Variants in LRP8 observed in about 807,000 individuals in gnomAD.
LRP8 encodes LDL receptor related protein 8, also known as low-density lipoprotein receptor-related protein 8.
Under a neutral mutation model 111.6 loss-of-function variants are expected in LRP8, and 46 were observed. The observed-to-expected ratio is 0.41, with a 90% CI of 0.33 to 0.53. LRP8 has a LOEUF of 0.53. Among genes scored for constraint, LRP8 ranks in the 20% least tolerant of loss-of-function variants. The probability of loss-of-function intolerance (pLI) is 0.20; values close to 1 mark genes in which losing one functional copy is unlikely to be tolerated. For synonymous variants in LRP8, 464 were observed against 511.2 expected (o/e 0.91, Z 1.24); for missense variants, 959 against 1,297.4 (o/e 0.74, Z 4.01).
At chr1:53,257,139 A>G in intron 15 of LRP8, 101 bp downstream of exon 15, 1 of 1,028,150 alleles carries the variant, frequency 9.7e-7, no homozygotes, top group Non-Finnish European at 1.5e-6. Flanking sequence ...AAAGATATGC[A>G]GTATTCAGCT....
intron 2 of LRP8, 163 bp from the exon 3 acceptor site, chr1:53,289,852 T>C (rs1409535557): frequency 9.4e-6 from 8 of 852,290 alleles, no homozygotes; most frequent in Admixed American, 7.7e-5. Context: ...ATCTGAACAC[T>C]GCGTGAAGAC....
rs151106557 is a variant in LRP8, at chr1:53,304,682, T to A, written c.245-14993A>T. 945 of 152,520 alleles carry A rather than the reference T, an allele frequency of 6.2e-3. 6 individuals are homozygous for A. The highest frequency in any genetic ancestry group is 0.023 in the Middle Eastern group (7 of 298). 9.4% of individuals were successfully genotyped at this position (152,520 alleles called of 1,614,324 possible). ...GTGTTGGTTCTGGCAGGGCCGGGGT[T>A]CAGGGCTCTGGCCGGGACCACCCAC... On this transcript the variant is annotated intron_variant, in intron 2 of 18. Coordinates refer to ENST00000306052, the MANE Select transcript of LRP8 (RefSeq NM_004631.5).
chr1:53,326,383 G>C (rs946472673), intron 2 of LRP8, among the ~76,000 whole-genome samples: 1 of 152,204 alleles, frequency 6.6e-6, no homozygotes, highest in African/African-American at 2.4e-5. Flanking sequence ...GGGGCCTATG[G>C]GGTGGTCCTC....
At chr1:53,296,751 C>T (rs1429421624) in intron 2 of LRP8, among the ~76,000 whole-genome samples, 5 of 152,194 alleles carry the variant, frequency 3.3e-5, no homozygotes, top group South Asian at 4.1e-4. Flanking sequence ...GGGAGGAGAC[C>T]GTGGCCCAGA....
rs1023705155 is a variant in LRP8, at chr1:53,317,073, AGCACAC to A, written c.244+9794_244+9799del. ...CCCCTCCTCTGAAGCACACACCCCA[AGCACAC>A]GCACATGTGCCCATGCCCATGGCCG... On this transcript the variant is annotated intron_variant, in intron 2 of 18. Transcript: ENST00000306052. The surrounding 1 kb of genome is among the most constrained non-coding windows in gnomAD (Gnocchi z 4.9). 4.7e-5 allele frequency among the ~76,000 whole-genome samples: 7 copies of A among 150,204 alleles called. No individual in the cohort carries two copies. The highest frequency in any genetic ancestry group is 1.7e-4 in the African/African-American group (7 of 41,158).
At chr1:53,271,444 T>C in intron 6 of LRP8, 98 bp from the exon 7 acceptor site, 1 of 1,394,770 alleles carries the variant, frequency 7.2e-7, no homozygotes, top group African/African-American at 1.4e-5. Context: ...CTCAGGGCAG[T>C]GGGACTCCCA....
intron 9 of LRP8, 94 bp from the exon 10 acceptor site, chr1:53,264,490 G>T: frequency 1.0e-6 from 1 of 964,098 alleles, no homozygotes; most frequent in Non-Finnish European, 1.6e-6. Flanking sequence ...TTCCATCTGG[G>T]CCATGGCAAT....
At chr1:53,283,578 TACTTACTACATACCCGGGCC>T (rs1442963744) in intron 3 of LRP8, among the ~76,000 whole-genome samples, 15 of 98,158 alleles carry the variant, frequency 1.5e-4, no homozygotes, top group African/African-American at 4.8e-4. Context: ...CCGGGCCACT[TACTTACTACATACCCGGGCC>T]ACTTACTTAC....
intron 16 of LRP8, among the ~76,000 whole-genome samples, chr1:53,251,627 T>C (rs1645898627): frequency 6.6e-6 from 1 of 150,500 alleles, no homozygotes; most frequent in Non-Finnish European, 1.5e-5. Flanking sequence ...GGTTTCTGTT[T>C]TAGTAAGATT....
chr1:53,306,046 C>T (rs1651891452), intron 2 of LRP8: 1 of 152,222 alleles, frequency 6.6e-6, no homozygotes. Context: ...GGAAGCTTTC[C>T]ACGACCCCAT....
chr1:53,316,993 C>T (rs1431772948), intron 2 of LRP8, among the ~76,000 whole-genome samples: 1 of 152,132 alleles, frequency 6.6e-6, no homozygotes, highest in Non-Finnish European at 1.5e-5. Context: ...AGAGTGTCAT[C>T]TTGGCCCCAT....
Position 53,271,295 on chromosome 1 carries a change from T to A in LRP8, c.1058A>T (p.Asp353Val). 2 of 1,613,774 alleles carry A rather than the reference T, an allele frequency of 1.2e-6. No homozygotes were observed. Among genetic ancestry groups the A allele is most frequent in the Admixed American group, 1.7e-5 (1 of 59,954 alleles). Reference sequence around the variant, plus strand: ...CGTGCATTCAAAGCCAATCTTGAGGTCAGTGCAGATGTGTGAGCAGCCGCC... The same window carrying A: ...CGTGCATTCAAAGCCAATCTTGAGGACAGTGCAGATGTGTGAGCAGCCGCC... ...NNGGCSHICT[D>V]LKIGFECTCP... The change falls in exon 7 of 19, where the codon GAC becomes GTC. Residue 353 changes from aspartate to valine, a missense_variant. Transcript: ENST00000306052.
intron 4 of LRP8, among the ~76,000 whole-genome samples, chr1:53,278,624 GCTGCCA>G (rs1247482550): frequency 6.6e-6 from 1 of 152,092 alleles, no homozygotes; most frequent in Non-Finnish European, 1.5e-5. Flanking sequence ...AAAAGCACAT[GCTGCCA>G]CTGCCACTGC....
chr1:53,264,275 C>G lies in LRP8; in HGVS notation c.1549G>C (p.Gly517Arg), dbSNP rs769032826. 6.8e-6 allele frequency: 11 copies of G among 1,614,168 alleles called. No individual in the cohort carries two copies. The highest frequency in any genetic ancestry group is 7.6e-6 in the Non-Finnish European group (9 of 1,180,024). ...GTGGCCACTGAGATGGTCTTATTGC[C>G]CGAGTCAGTCCAGTAGATGTGCTTG... The part of the protein sequence containing the change: ...VHKHIYWTDS[G>R]NKTISVATVD... Residue 517 changes from glycine to arginine, a missense_variant, in exon 10 of 19, where the codon GGC becomes CGC. By Grantham distance (125) the Gly-to-Arg change is moderately radical. Coordinates refer to ENST00000306052, the MANE Select transcript of LRP8 (RefSeq NM_004631.5).
chr1:53,260,967 G>T (rs186470508), intron 12 of LRP8, among the ~76,000 whole-genome samples: 6 of 152,160 alleles, frequency 3.9e-5, no homozygotes, highest in African/African-American at 7.2e-5. Flanking sequence ...AGCTATGAGG[G>T]TTATGCCTTG....
intron 13 of LRP8, among the ~76,000 whole-genome samples, chr1:53,260,046 T>G (rs1646271570): frequency 6.6e-6 from 1 of 152,204 alleles, no homozygotes; most frequent in African/African-American, 2.4e-5. Flanking sequence ...TACATTAGCT[T>G]ATACTACTGC....
chr1:53,302,853 C>G (rs1651214411), intron 2 of LRP8, among the ~76,000 whole-genome samples: 1 of 82,536 alleles, frequency 1.2e-5, no homozygotes. Context: ...CCACACCCAG[C>G]TAATTTTTTT....
intron 16 of LRP8, among the ~76,000 whole-genome samples, chr1:53,251,250 T>C (rs966326466): frequency 6.6e-6 from 1 of 152,180 alleles, no homozygotes; most frequent in Non-Finnish European, 1.5e-5. Context: ...ACTAGGTGCC[T>C]AGTAACATGT....
chr1:53,300,729 G>A (rs1650655688), intron 2 of LRP8, among the ~76,000 whole-genome samples: 2 of 152,212 alleles, frequency 1.3e-5, no homozygotes, highest in South Asian at 4.1e-4. Flanking sequence ...GTCTCCTAGT[G>A]AAAGCTGGGC....
Sources: allele counts gnomAD v4.1 joint callset (sites outside exome capture counted in the v4.1 genomes callset), GRCh38; gene constraint gnomAD v4.1.1; non-coding constraint Gnocchi (gnomAD v3.1); transcripts MANE v1.5; gene names NCBI Gene and HGNC (gene_info 2026-07-23, HGNC 2026-07-21).